Variants in GRHL3 observed in about 807,000 individuals in gnomAD.
GRHL3 encodes the protein grainyhead-like protein 3 homolog.
Under a neutral mutation model 70.3 loss-of-function variants are expected in GRHL3, and 20 were observed. The ratio of observed to expected loss-of-function variants is 0.28; its 90% CI spans 0.20 to 0.41. The LOEUF (loss-of-function observed/expected upper bound fraction) is 0.41. Among genes scored for constraint, GRHL3 ranks in the 10% least tolerant of loss-of-function variants. GRHL3 has a pLI of 1.00. For synonymous variants in GRHL3, 299 were observed against 299.9 expected (o/e 1.00, Z 0.03); for missense variants, 637 against 762.3 (o/e 0.84, Z 1.94).
Position 24,322,935 on chromosome 1 carries a change from G to A in GRHL3, c.17+3367G>A. The A allele has an allele frequency of 1.5e-6, 1 of 657,690 alleles. No homozygotes were observed. Among genetic ancestry groups the A allele is most frequent in the East Asian group, 2.7e-5 (1 of 36,524 alleles). 40.7% of individuals were successfully genotyped at this position (657,690 alleles called of 1,614,324 possible). On this transcript the variant is annotated intron_variant, in intron 1 of 15. Coordinates refer to ENST00000361548, the MANE Select transcript of GRHL3 (RefSeq NM_198173.3). The surrounding 1 kb of genome is among the most constrained non-coding windows in gnomAD (Gnocchi z 4.4). The stretch of plus-strand genomic sequence containing the variant: ...AAGAGGGGACCCAGACCTGGTTCAG[G>A]CTTGCCCAAGGTCTCACGGAAGCAC...
chr1:24,354,017 G>A (rs964034929), intron 15 of GRHL3, among the ~76,000 whole-genome samples: 1 of 152,136 alleles, frequency 6.6e-6, no homozygotes, highest in Non-Finnish European at 1.5e-5. Context: ...CTTCATGTCC[G>A]AGTCCTCAAT....
At chr1:24,364,172 C>G in intron 15 of GRHL3, 2 of 1,487,010 alleles carry the variant, frequency 1.3e-6, no homozygotes, top group Non-Finnish European at 9.0e-7. Context: ...TTGACGTTCT[C>G]ACTTTCTTCC....
chr1:24,352,918 G>A (rs923902365), intron 15 of GRHL3, among the ~76,000 whole-genome samples: 1 of 152,194 alleles, frequency 6.6e-6, no homozygotes, highest in Non-Finnish European at 1.5e-5. Flanking sequence ...GGCAGGGAGA[G>A]ACAACTGGAT....
intron 1 of GRHL3, among the ~76,000 whole-genome samples, chr1:24,324,863 A>T (rs115453535): frequency 6.6e-6 from 1 of 152,076 alleles, no homozygotes; most frequent in Non-Finnish European, 1.5e-5. Flanking sequence ...TTACAGAGCC[A>T]TGCCCTACAC....
chr1:24,354,841 G>A lies in GRHL3; in HGVS notation c.*353G>A, dbSNP rs1034369460. The stretch of plus-strand genomic sequence containing the variant: ...GCAGGCTGCCCGTTAAGATGGTGGC[G>A]GCACACGCTCCCTCCCGCAGCACCA... On this transcript the variant is annotated 3_prime_UTR_variant, in exon 16 of 16. Coordinates refer to ENST00000361548, the MANE Select transcript of GRHL3 (RefSeq NM_198173.3). 1 of 171,044 alleles carries A rather than the reference G, an allele frequency of 5.8e-6. No homozygotes were observed. Among genetic ancestry groups the A allele is most frequent in the African/African-American group, 2.4e-5 (1 of 42,406 alleles). 10.6% of individuals were successfully genotyped at this position (171,044 alleles called of 1,614,324 possible). A position where few individuals can be genotyped will look rare whatever the true frequency, so the allele number is the denominator to read the frequency against.
intron 14 of GRHL3, among the ~76,000 whole-genome samples, chr1:24,349,114 C>T (rs1006326369): frequency 6.6e-6 from 1 of 152,078 alleles, no homozygotes; most frequent in Non-Finnish European, 1.5e-5. Context: ...GTGGCCTGTT[C>T]GAAGTTCTGC....
At chr1:24,336,896 T>C in intron 4 of GRHL3, 69 bp downstream of exon 4, 1 of 1,367,894 alleles carries the variant, frequency 7.3e-7, no homozygotes, top group Non-Finnish European at 1.0e-6. Flanking sequence ...GAGAAGATAG[T>C]GAACAGATCA....
At chr1:24,343,712 A>T (rs538118556) in intron 11 of GRHL3, among the ~76,000 whole-genome samples, 179 of 151,996 alleles carry the variant, frequency 1.2e-3, no homozygotes, top group African/African-American at 4.2e-3. Flanking sequence ...CAGGGTCAAG[A>T]CCCCAGAGCC....
intron 3 of GRHL3, among the ~76,000 whole-genome samples, chr1:24,335,375 C>T (rs1018575164): frequency 5.9e-5 from 9 of 152,314 alleles, no homozygotes; most frequent in Admixed American, 3.9e-4. Context: ...AGACCTTGTC[C>T]CTCTTTCTCC....
rs1302033081 is a variant in GRHL3, at chr1:24,336,782, A to G, written c.567A>G (p.Thr189=). 5.0e-6 allele frequency: 8 copies of G among 1,612,560 alleles called. No homozygotes were observed. Among genetic ancestry groups the G allele is most frequent in the Non-Finnish European group, 6.8e-6 (8 of 1,179,216 alleles). ...LFESIHGVPP[T]QRWQPDSTFK... ...AGAGCATTCATGGGGTGCCGCCCACACAGCGCTGGCAGCCAGACAGCACCT... is the reference window on the plus strand; with the variant it reads ...AGAGCATTCATGGGGTGCCGCCCACGCAGCGCTGGCAGCCAGACAGCACCT... The change falls in exon 4 of 16, where the codon ACA becomes ACG. Residue 189 remains threonine (T), a synonymous_variant. Coordinates refer to ENST00000361548, the MANE Select transcript of GRHL3 (RefSeq NM_198173.3).
At chr1:24,351,503 G>A (rs1164998804) in intron 15 of GRHL3, among the ~76,000 whole-genome samples, 1 of 151,976 alleles carries the variant, frequency 6.6e-6, no homozygotes, top group Non-Finnish European at 1.5e-5. Context: ...ATGCTCTGTA[G>A]AGTGAAATCC....
At chr1:24,362,071 C>T (rs1201325844) in intron 15 of GRHL3, among the ~76,000 whole-genome samples, 3 of 152,202 alleles carry the variant, frequency 2.0e-5, no homozygotes, top group Non-Finnish European at 2.9e-5. Context: ...AGGTTCTCCG[C>T]ACTGAATGGC....
At chr1:24,343,821 C>A (rs1274810082) in intron 11 of GRHL3, among the ~76,000 whole-genome samples, 1 of 152,184 alleles carries the variant, frequency 6.6e-6, no homozygotes, top group South Asian at 2.1e-4. Flanking sequence ...TACAAATGGA[C>A]CTTGGTGTAC....
Position 24,334,788 on chromosome 1 carries a change from A to G in GRHL3, c.266+82A>G, listed in dbSNP as rs1397913983. 3.8e-6 allele frequency: 4 copies of G among 1,060,670 alleles called. No individual in the cohort carries two copies. Among genetic ancestry groups the G allele is most frequent in the Non-Finnish European group, 5.6e-6 (4 of 708,148 alleles). The allele number at this position is 1,060,670 out of a possible 1,614,324, so 65.7% of individuals were successfully genotyped here. On this transcript the variant is annotated intron_variant, in intron 3 of 15. Transcript: ENST00000361548. This position sits in a 1 kb window ranked among gnomAD's most constrained non-coding sequence, Gnocchi z 4.3. The stretch of plus-strand genomic sequence containing the variant: ...TCTTCCACACAGGTTTGACTTATCC[A>G]TTAGGCACAGGAGGCACAGTGCTGA...
At position 24,350,068 on chromosome 1, in the gene GRHL3, A is replaced by C; in HGVS notation, c.1640A>C (p.Lys547Thr). ...LKGLRNAISE[K>T]YGFPEENIYK... ...GTCTTTTCCTTCCAGATCTCTGAGA[A>C]GTATGGGTTCCCTGAAGAGAACATT... The change falls in exon 15 of 16, where the codon AAG (lysine) becomes ACG (threonine). Residue 547 changes from lysine to threonine, a missense_variant. This residue lies in a region of GRHL3 where 387 missense variants were observed against 513.8 expected (regional missense o/e 0.75). Transcript: ENST00000361548. 6.2e-7 allele frequency: 1 copy of C among 1,613,388 alleles called. No individual in the cohort carries two copies. The highest frequency in any genetic ancestry group is 8.5e-7 in the Non-Finnish European group (1 of 1,179,454).
chr1:24,331,979 G>A (rs562599838), intron 2 of GRHL3, among the ~76,000 whole-genome samples: 53 of 152,258 alleles, frequency 3.5e-4, no homozygotes, highest in African/African-American at 1.3e-3. Flanking sequence ...TGAGTCTTCA[G>A]CACACCATAC....
intron 11 of GRHL3, 120 bp downstream of exon 11, chr1:24,343,145 T>A: frequency 9.0e-7 from 1 of 1,115,642 alleles, no homozygotes; most frequent in Non-Finnish European, 1.3e-6. Context: ...TCAAGACCTT[T>A]ATTGAATCAT....
chr1:24,354,707 G>C lies in GRHL3; in HGVS notation c.*219G>C. On this transcript the variant is annotated 3_prime_UTR_variant, in exon 16 of 16. Transcript: ENST00000361548. Reference sequence around the variant, plus strand: ...CATGGTATGCTTGAATCTGCTCCCTGAACTTCCTGCCAGTGCCTCCCCGTA... The same window carrying C: ...CATGGTATGCTTGAATCTGCTCCCTCAACTTCCTGCCAGTGCCTCCCCGTA... The C allele has an allele frequency of 2.1e-6, 1 of 473,096 alleles. No individual in the cohort carries two copies. Among genetic ancestry groups the C allele is most frequent in the Non-Finnish European group, 3.8e-6 (1 of 260,948 alleles). 29.3% of individuals were successfully genotyped at this position (473,096 alleles called of 1,614,324 possible).
intron 11 of GRHL3, among the ~76,000 whole-genome samples, chr1:24,344,284 G>A (rs148898087): frequency 1.3e-5 from 2 of 152,170 alleles, no homozygotes; most frequent in Non-Finnish European, 1.5e-5. Context: ...AAGACTGACT[G>A]ATGCCTGCCC....
Sources: gnomAD v4.1 joint callset for allele counts (sites outside exome capture counted in the v4.1 genomes callset) on GRCh38, gnomAD v4.1.1 for gene constraint, gnomAD v4.1.1 regional missense constraint, Gnocchi (gnomAD v3.1) non-coding constraint, MANE v1.5 for transcripts, NCBI Gene and HGNC (gene_info 2026-07-23, HGNC 2026-07-21) for gene names.